THSD7B: variants seen among roughly 807,000 people sequenced by gnomAD.
The protein encoded by THSD7B is thrombospondin type 1 domain containing 7B.
A neutral mutation model predicts 213.6 loss-of-function variants in THSD7B; 138 were observed. The observed-to-expected ratio is 0.65, with a 90% confidence interval of 0.56 to 0.74. The LOEUF is 0.74. Among genes scored for constraint, THSD7B ranks in the 30% least tolerant of loss-of-function variants. THSD7B has a pLI of 0.00. For missense variants in THSD7B, 1,931 were observed against 1,991.5 expected (o/e 0.97, Z 0.58); for synonymous variants, 742 against 687.0 (o/e 1.08, Z -1.25).
chr2:137,602,436 A>AT (rs1462692802), intron 17 of THSD7B, among the ~76,000 whole-genome samples: 15 of 151,748 alleles, frequency 9.9e-5, no homozygotes, highest in African/African-American at 3.6e-4. Context: ...CGCCCAGCTA[A>AT]TTTTTTGTAT....
chr2:137,363,239 G>A (rs997428929), intron 12 of THSD7B, among the ~76,000 whole-genome samples: 1 of 152,200 alleles, frequency 6.6e-6, no homozygotes, highest in Non-Finnish European at 1.5e-5. Flanking sequence ...TTAAAGCAGT[G>A]TGTAGAGGGA....
intron 12 of THSD7B, among the ~76,000 whole-genome samples, chr2:137,384,914 C>T (rs925538851): frequency 5.3e-5 from 8 of 152,154 alleles, no homozygotes; most frequent in East Asian, 1.9e-4. Flanking sequence ...CAACAGGTGC[C>T]GAGATGGGGT....
At position 137,173,660 on chromosome 2, in the gene THSD7B, A is replaced by G. The variant is rs113452951; in HGVS notation, c.1723+2722A>G. ...ATGACTCCCTCATCGTTTGTGGGGC[A>G]ATGGCCATGGTCGTGGTTCTGGGAA... On this transcript the variant is annotated intron_variant, in intron 7 of 27. Transcript: ENST00000409968. Among the ~76,000 whole-genome samples the G allele has an allele frequency of 1.7e-3, 258 of 152,314 alleles. 1 individual carries two copies. Among genetic ancestry groups the G allele is most frequent in the African/African-American group, 5.8e-3 (243 of 41,572 alleles).
chr2:137,019,776 T>C (rs2104842180), intron 2 of THSD7B, among the ~76,000 whole-genome samples: 1 of 152,330 alleles, frequency 6.6e-6, no homozygotes, highest in Middle Eastern at 3.4e-3. Flanking sequence ...GCCTGGCACC[T>C]ATTAGATTCT....
chr2:137,487,396 A>AG (rs1553454199), intron 15 of THSD7B, among the ~76,000 whole-genome samples: 70 of 120,970 alleles, frequency 5.8e-4, no homozygotes, highest in African/African-American at 2.2e-3. Flanking sequence ...AAAAAAAAAA[A>AG]AAAGAACTAG....
chr2:137,301,809 T>C (rs1319597092), intron 12 of THSD7B, among the ~76,000 whole-genome samples: 2 of 151,902 alleles, frequency 1.3e-5, no homozygotes, highest in Non-Finnish European at 2.9e-5. Flanking sequence ...AGAAGAACAG[T>C]GAGACAAGAG....
At chr2:137,078,765 GA>G (rs1358575191) in intron 3 of THSD7B, among the ~76,000 whole-genome samples, 1 of 151,896 alleles carries the variant, frequency 6.6e-6, no homozygotes, top group Non-Finnish European at 1.5e-5. Context: ...ATAACTATTT[GA>G]AATGGATCCC....
chr2:137,048,110 C>T (rs1186377230), intron 2 of THSD7B, among the ~76,000 whole-genome samples: 1 of 151,932 alleles, frequency 6.6e-6, no homozygotes. Flanking sequence ...TCCCAGTGTC[C>T]ATGTGTTCTC....
chr2:136,896,553 G>A (rs1034673810), intron 2 of THSD7B, among the ~76,000 whole-genome samples: 2 of 152,118 alleles, frequency 1.3e-5, no homozygotes, highest in African/African-American at 2.4e-5. Context: ...TTCTTATGAA[G>A]CCTAGTTTTC....
At chr2:137,400,572 C>T (rs80290881) in intron 12 of THSD7B, among the ~76,000 whole-genome samples, 1 of 152,212 alleles carries the variant, frequency 6.6e-6, no homozygotes, top group Non-Finnish European at 1.5e-5. Flanking sequence ...GGCTGATGAC[C>T]TCTTGGGCAG....
intron 10 of THSD7B, among the ~76,000 whole-genome samples, chr2:137,243,632 G>GACTC: frequency 6.6e-6 from 1 of 152,306 alleles, no homozygotes; most frequent in East Asian, 1.9e-4. Flanking sequence ...AATGCTCTTT[G>GACTC]ACTCACATAT....
intron 15 of THSD7B, among the ~76,000 whole-genome samples, chr2:137,529,432 C>T (rs969533292): frequency 6.6e-6 from 1 of 151,778 alleles, no homozygotes; most frequent in African/African-American, 2.4e-5. Context: ...TAATGATTGT[C>T]CCAAAGATAA....
chr2:136,947,196 AAG>A (rs1438161882), intron 2 of THSD7B, among the ~76,000 whole-genome samples: 2 of 152,160 alleles, frequency 1.3e-5, no homozygotes, highest in Non-Finnish European at 2.9e-5. Flanking sequence ...AAGGTATTTG[AAG>A]CTTTTTTGCT....
intron 15 of THSD7B, among the ~76,000 whole-genome samples, chr2:137,504,984 TGGAGGAAAGCAGGAAGGGAGAAAG>T (rs373890613): frequency 4.5e-4 from 66 of 148,164 alleles, no homozygotes; most frequent in African/African-American, 1.6e-3. Context: ...AAGGGAGGAA[TGGAGGAAAGCAGGAAGGGAGAAAG>T]GGAGGAAGGG....
At chr2:136,957,233 C>A (rs890509038) in intron 2 of THSD7B, among the ~76,000 whole-genome samples, 3 of 152,176 alleles carry the variant, frequency 2.0e-5, no homozygotes, top group Non-Finnish European at 4.4e-5. Flanking sequence ...AGACTCATTT[C>A]TTCCACCAAG....
intron 2 of THSD7B, among the ~76,000 whole-genome samples, chr2:136,988,144 A>G (rs1221061862): frequency 6.6e-6 from 1 of 152,190 alleles, no homozygotes; most frequent in African/African-American, 2.4e-5. Context: ...GTCCTTTTAC[A>G]GTTACTTCTT....
At chr2:137,270,637 T>C (rs1682710865) in intron 10 of THSD7B, among the ~76,000 whole-genome samples, 1 of 152,064 alleles carries the variant, frequency 6.6e-6, no homozygotes, top group Non-Finnish European at 1.5e-5. Context: ...CATGACCTAA[T>C]GTAGCAGGAA....
At chr2:137,082,597 C>A (rs1169663350) in intron 3 of THSD7B, among the ~76,000 whole-genome samples, 1 of 152,032 alleles carries the variant, frequency 6.6e-6, no homozygotes, top group Non-Finnish European at 1.5e-5. Flanking sequence ...TTTGGCCATT[C>A]TACAATTTTG....
chr2:137,352,869 T>C (rs1036772191), intron 12 of THSD7B, among the ~76,000 whole-genome samples: 6 of 152,018 alleles, frequency 3.9e-5, no homozygotes, highest in African/African-American at 1.4e-4. Context: ...AAGCAGAATT[T>C]TTATTTTTCA....
Sources: allele counts gnomAD v4.1 joint callset (sites outside exome capture counted in the v4.1 genomes callset), GRCh38; gene constraint gnomAD v4.1.1; transcripts MANE v1.5; gene names NCBI Gene and HGNC (gene_info 2026-07-23, HGNC 2026-07-21).